Variants in TNS3 observed in about 807,000 individuals in gnomAD.
TNS3 encodes the protein tensin 3, also known as tensin-3.
TNS3 carries 45 observed loss-of-function variants against 140.9 expected under a neutral mutation model. The ratio of observed to expected loss-of-function variants is 0.32; its 90% CI spans 0.25 to 0.41. TNS3 has a LOEUF of 0.41. Ranked by LOEUF, TNS3 falls within the 10% of genes least tolerant of loss-of-function variation. TNS3 has a pLI of 1.00. For missense variants in TNS3, 1,716 were observed against 1,906.7 expected, an observed-to-expected ratio of 0.90 and a Z score of 1.86; for synonymous variants, 815 against 788.4, an observed-to-expected ratio of 1.03 and a Z score of -0.56.
intron 16 of TNS3, among the ~76,000 whole-genome samples, chr7:47,379,991 G>A (rs150839042): frequency 0.01 from 1,593 of 152,312 alleles, 26 homozygotes; most frequent in African/African-American, 0.036. Flanking sequence ...ACACAGAAAC[G>A]CCTGCCCAGC....
chr7:47,290,250 C>T, intron 27 of TNS3, among the ~76,000 whole-genome samples: 1 of 152,188 alleles, frequency 6.6e-6, no homozygotes, highest in South Asian at 2.1e-4. Flanking sequence ...AAACGGATCA[C>T]AGACTTAAAG....
rs1026569902 is a variant in TNS3 at position 47,499,953 on chromosome 7, G to A, written c.-115+6954C>T. Among the ~76,000 whole-genome samples, 61 of 152,152 alleles carry A rather than the reference G, an allele frequency of 4.0e-4. 1 individual carries two copies. The highest frequency in any genetic ancestry group is 1.4e-3 in the African/African-American group (59 of 41,424). On this transcript the variant is annotated intron_variant, in intron 3 of 30. Transcript: ENST00000311160. ...TGTCTCTGTGCGTGAATATGCATGC[G>A]TGTGTACATGTAAGCACGTGTGTGT...
At chr7:47,568,002 A>G (rs1800468204) in intron 1 of TNS3, among the ~76,000 whole-genome samples, 1 of 152,072 alleles carries the variant, frequency 6.6e-6, no homozygotes, top group African/African-American at 2.4e-5. Flanking sequence ...TGACATGCTG[A>G]TTTCTAAGCT....
intron 2 of TNS3, among the ~76,000 whole-genome samples, chr7:47,527,588 G>C (rs1799244105): frequency 6.6e-6 from 1 of 152,196 alleles, no homozygotes; most frequent in South Asian, 2.1e-4. Flanking sequence ...AGCATTCACA[G>C]ATGACCAAGA....
At chr7:47,469,702 G>C (rs553861231) in intron 4 of TNS3, among the ~76,000 whole-genome samples, 1 of 152,146 alleles carries the variant, frequency 6.6e-6, no homozygotes, top group Admixed American at 6.5e-5. Context: ...GGCTGGGCAC[G>C]GTGGCTCACG....
At chr7:47,483,837 G>C (rs1407935069) in intron 3 of TNS3, among the ~76,000 whole-genome samples, 1 of 152,228 alleles carries the variant, frequency 6.6e-6, no homozygotes, top group East Asian at 1.9e-4. Flanking sequence ...AAGTTGGCAC[G>C]CCCAATCTTG....
At chr7:47,413,405 C>T (rs1793897413) in intron 12 of TNS3, among the ~76,000 whole-genome samples, 1 of 151,684 alleles carries the variant, frequency 6.6e-6, no homozygotes, top group Admixed American at 6.6e-5. Context: ...TGCACGACCC[C>T]AAGACTGGCT....
Position 47,278,088 on chromosome 7 carries a change from T to C in TNS3, c.4326A>G (p.Pro1442=). The C allele has an allele frequency of 6.2e-7, 1 of 1,614,094 alleles. No individual in the cohort carries two copies. Among genetic ancestry groups the C allele is most frequent in the Non-Finnish European group, 8.5e-7 (1 of 1,179,984 alleles). ...NFVSKVMIGS[P]KKV ...GGGAGGGGAGTTCTCAGACCTTCTT[T>C]GGGGAACCAATCATGACCTTTGATA... Residue 1442 remains proline, a synonymous_variant, in exon 31 of 31, where the codon CCA becomes CCG. Coordinates refer to ENST00000311160, the MANE Select transcript of TNS3 (RefSeq NM_022748.12).
intron 1 of TNS3, among the ~76,000 whole-genome samples, chr7:47,537,834 C>T (rs1408459009): frequency 6.6e-6 from 1 of 152,112 alleles, no homozygotes; most frequent in Non-Finnish European, 1.5e-5. Context: ...GGAGCCTGGC[C>T]TTGCAGAGAG....
At chr7:47,488,912 C>T (rs1359354175) in intron 3 of TNS3, among the ~76,000 whole-genome samples, 2 of 152,186 alleles carry the variant, frequency 1.3e-5, no homozygotes, top group Non-Finnish European at 2.9e-5. Flanking sequence ...GGCCCAGGGT[C>T]AGATTTTCAA....
rs749265253 is a variant in TNS3, at chr7:47,424,201, G to C, written c.390-17C>G. 11 of 1,613,382 alleles carry C rather than the reference G, an allele frequency of 6.8e-6. No individual in the cohort carries two copies. The East Asian group carries it at 2.0e-4, about 29-fold the overall frequency. ...TGGTCGGCGCTGAAGGGGAGAGAGAGAGAAAGAGAGTTAACTCAGTGGAGC... is the reference window on the plus strand; with the variant it reads ...TGGTCGGCGCTGAAGGGGAGAGAGACAGAAAGAGAGTTAACTCAGTGGAGC... On this transcript the variant is annotated splice_polypyrimidine_tract_variant and intron_variant, in intron 9 of 30. Coordinates refer to ENST00000311160, the MANE Select transcript of TNS3 (RefSeq NM_022748.12).
intron 3 of TNS3, 95 bp downstream of exon 3, chr7:47,506,812 G>T: frequency 1.0e-6 from 1 of 964,134 alleles, no homozygotes; most frequent in Non-Finnish European, 1.4e-6. Context: ...TTTTCTTTCC[G>T]TGGCTGCAGT....
intron 13 of TNS3, among the ~76,000 whole-genome samples, chr7:47,409,269 C>CCGCCCGCCTGGT (rs1344837684): frequency 6.6e-6 from 1 of 151,944 alleles, no homozygotes; most frequent in African/African-American, 2.4e-5. Context: ...GAGACTGCCC[C>CCGCCCGCCTGGT]CGCCCGCCTG....
At position 47,276,681 on chromosome 7, in the gene TNS3, T is replaced by A. The variant is rs1784883212; in HGVS notation, c.*1395A>T. ...CCCAAACCTTTGACCACGAACAGAT[T>A]CAAGCAGGAAAACCAGGGCATTGGA... On this transcript the variant is annotated 3_prime_UTR_variant, in exon 31 of 31. Transcript: ENST00000311160. 6.6e-6 allele frequency: 1 copy of A among 152,202 alleles called. No homozygotes were observed. The highest frequency in any genetic ancestry group is 2.1e-4 in the South Asian group (1 of 4,826). 9.4% of individuals were successfully genotyped at this position (152,202 alleles called of 1,614,324 possible).
At chr7:47,581,353 C>G (rs1281742474) in intron 1 of TNS3, 1 of 150,712 alleles carries the variant, frequency 6.6e-6, no homozygotes, top group Non-Finnish European at 1.5e-5. Flanking sequence ...CCCCGAGGTC[C>G]CGTCCTTCAG....
At chr7:47,549,220 C>A (rs779252371) in intron 1 of TNS3, among the ~76,000 whole-genome samples, 1 of 152,118 alleles carries the variant, frequency 6.6e-6, no homozygotes, top group African/African-American at 2.4e-5. Context: ...TGGCCAGGCG[C>A]GGTGGTTCAC....
chr7:47,333,913 A>C (rs1294173577), intron 20 of TNS3, among the ~76,000 whole-genome samples: 1 of 152,144 alleles, frequency 6.6e-6, no homozygotes. Flanking sequence ...TGCCCCCAAT[A>C]CCATGCATGG....
At chr7:47,404,694 G>C (rs1793346837) in intron 13 of TNS3, among the ~76,000 whole-genome samples, 1 of 152,080 alleles carries the variant, frequency 6.6e-6, no homozygotes, top group African/African-American at 2.4e-5. Context: ...ACACCATCCT[G>C]GCTAACATGG....
At chr7:47,513,174 TA>T (rs1395919557) in intron 2 of TNS3, among the ~76,000 whole-genome samples, 10 of 152,210 alleles carry the variant, frequency 6.6e-5, no homozygotes, top group African/African-American at 2.4e-4. Flanking sequence ...AAATGTTATT[TA>T]TTTTTTTCTT....
Sources: allele counts gnomAD v4.1 joint callset (sites outside exome capture counted in the v4.1 genomes callset), GRCh38; gene constraint gnomAD v4.1.1; transcripts MANE v1.5; gene names NCBI Gene and HGNC (gene_info 2026-07-23, HGNC 2026-07-21).